Variants in SOX13 observed in about 807,000 individuals in gnomAD.
SOX13 encodes transcription factor SOX-13.
Under a neutral mutation model 71.8 loss-of-function variants are expected in SOX13, and 28 were observed. That is an observed-to-expected ratio of 0.39 (90% CI 0.29 to 0.53). The LOEUF is 0.53. Among genes scored for constraint, SOX13 ranks in the 20% least tolerant of loss-of-function variants. The probability of loss-of-function intolerance (pLI) is 0.70; values close to 1 mark genes in which losing one functional copy is unlikely to be tolerated. For missense variants in SOX13, 627 were observed against 810.3 expected, an observed-to-expected ratio of 0.77 and a Z score of 2.75; for synonymous variants, 309 against 317.8, an observed-to-expected ratio of 0.97 and a Z score of 0.29.
At position 204,093,806 on chromosome 1, in the gene SOX13, T is replaced by C. The variant is rs997958931; in HGVS notation, c.-1-19109T>C. Among the ~76,000 whole-genome samples, 5 of 152,306 alleles carry C rather than the reference T, an allele frequency of 3.3e-5. No homozygotes were observed. In the East Asian group the frequency reaches 9.6e-4, roughly 29 times the overall value. On this transcript the variant is annotated intron_variant, in intron 1 of 13. Coordinates refer to ENST00000367204, the MANE Select transcript of SOX13 (RefSeq NM_005686.3). ...GAAGAAAATCCACCTGTGAAGTGCT[T>C]AGCTTGTGATCACTCAGTAAATAGG...
rs1655713440 is a variant in SOX13, at chr1:204,073,573, C to T, written c.-140C>T. On this transcript the variant is annotated 5_prime_UTR_variant, in exon 1 of 14. Coordinates refer to ENST00000367204, the MANE Select transcript of SOX13 (RefSeq NM_005686.3). This position sits in a 1 kb window ranked among gnomAD's most constrained non-coding sequence, Gnocchi z 6.8. ...GGCGTGCCCCCTCCCAGCCCAGCCT[C>T]CCCAACCCGGCCCGCCCGCCGCGTC... 6.6e-6 allele frequency: 1 copy of T among 151,906 alleles called. No homozygotes were observed. Among genetic ancestry groups the T allele is most frequent in the Admixed American group, 6.5e-5 (1 of 15,274 alleles). 9.4% of individuals were successfully genotyped at this position (151,906 alleles called of 1,614,324 possible).
At chr1:204,111,349 A>G (rs1164105097) in intron 1 of SOX13, among the ~76,000 whole-genome samples, 1 of 152,200 alleles carries the variant, frequency 6.6e-6, no homozygotes, top group Non-Finnish European at 1.5e-5. Flanking sequence ...GCTAGTCAGT[A>G]GCTGAGGCAG....
intron 1 of SOX13, among the ~76,000 whole-genome samples, chr1:204,087,929 A>T (rs1361816558): frequency 6.6e-6 from 1 of 152,160 alleles, no homozygotes; most frequent in East Asian, 1.9e-4. Context: ...CCAGAGTCCC[A>T]CCTGGCTGTG....
chr1:204,113,263 C>T lies in SOX13; in HGVS notation c.219+129C>T, dbSNP rs372177251. The T allele has an allele frequency of 5.2e-5, 41 of 792,168 alleles. No homozygotes were observed. The East Asian group carries it at 6.5e-4, about 13-fold the overall frequency. 49.1% of individuals were successfully genotyped at this position (792,168 alleles called of 1,614,324 possible). ...AGAAGTGGTGATCCTAGGGGTAAGA[C>T]GCCATGTAGGGAAGCAGGGAGGCAC... On this transcript the variant is annotated intron_variant, in intron 2 of 13. Coordinates refer to ENST00000367204, the MANE Select transcript of SOX13 (RefSeq NM_005686.3).
At chr1:204,106,671 A>C (rs973897006) in intron 1 of SOX13, among the ~76,000 whole-genome samples, 7 of 151,918 alleles carry the variant, frequency 4.6e-5, no homozygotes, top group Non-Finnish European at 8.8e-5. Flanking sequence ...ACACCTGACT[A>C]ATTTTGTGTT....
intron 1 of SOX13, among the ~76,000 whole-genome samples, chr1:204,094,927 T>C (rs11240664): frequency 0.28 from 43,196 of 152,038 alleles, 7,173 homozygotes; most frequent in South Asian, 0.44. Flanking sequence ...ATCTGTGACC[T>C]CAAATGGATG....
intron 1 of SOX13, among the ~76,000 whole-genome samples, chr1:204,105,980 G>A (rs1656462577): frequency 6.6e-6 from 1 of 152,140 alleles, no homozygotes; most frequent in African/African-American, 2.4e-5. Context: ...TTGGGACAGT[G>A]GAGTTTGAGG....
intron 1 of SOX13, among the ~76,000 whole-genome samples, chr1:204,089,541 C>G (rs900181868): frequency 6.6e-6 from 1 of 152,158 alleles, no homozygotes; most frequent in Non-Finnish European, 1.5e-5. Context: ...TGTGAGGGGA[C>G]CCCGGAAGAG....
intron 7 of SOX13, 136 bp from the exon 8 acceptor site, chr1:204,121,764 G>T: frequency 2.8e-6 from 2 of 710,614 alleles, no homozygotes; most frequent in South Asian, 1.5e-5. Context: ...CTTTGGGGCT[G>T]GGGAGGGCAG....
chr1:204,089,149 A>C (rs1341500938), intron 1 of SOX13, among the ~76,000 whole-genome samples: 2 of 138,312 alleles, frequency 1.4e-5, no homozygotes, highest in Non-Finnish European at 3.1e-5. Context: ...CCAGCCAAGC[A>C]CATTCTGTTC....
intron 12 of SOX13, among the ~76,000 whole-genome samples, chr1:204,124,140 G>C (rs1656870489): frequency 6.6e-6 from 1 of 152,200 alleles, no homozygotes; most frequent in African/African-American, 2.4e-5. Context: ...TTCCTGGGCT[G>C]TCACTAGAAA....
intron 7 of SOX13, among the ~76,000 whole-genome samples, chr1:204,121,230 A>T (rs940010259): frequency 1.3e-5 from 2 of 151,940 alleles, no homozygotes; most frequent in Non-Finnish European, 2.9e-5. Flanking sequence ...CTTGTGATCC[A>T]CCCACCTTGT....
rs559302389 is a variant in SOX13, at chr1:204,121,929, C to T, written c.805C>T (p.Pro269Ser). 3 of 1,612,886 alleles carry T rather than the reference C, an allele frequency of 1.9e-6. No individual in the cohort carries two copies. Among genetic ancestry groups the T allele is most frequent in the African/African-American group, 1.3e-5 (1 of 75,002 alleles). Reference protein sequence around the residue: ...VEYPLQLLHSPPAPVVKRPGA... With the variant: ...VEYPLQLLHSSPAPVVKRPGA... Reference sequence around the variant, plus strand: ...GTATCCGCTGCAGCTGCTGCACAGCCCCCCTGCCCCAGTGGTGAAGAGGCC... The same window carrying T: ...GTATCCGCTGCAGCTGCTGCACAGCTCCCCTGCCCCAGTGGTGAAGAGGCC... Residue 269 changes from proline to serine, a missense_variant, in exon 8 of 14, where the codon CCC becomes TCC. By Grantham distance (74) the Pro-to-Ser change is moderately conservative (BLOSUM62 -1). Around this residue, in one of 3 missense-constraint regions of SOX13, gnomAD observed 447 missense variants for 532.2 expected, o/e 0.84. Transcript: ENST00000367204.
rs1385930254 is a variant in SOX13 at position 204,127,668 on chromosome 1, C to T, written c.*1534C>T. The T allele has an allele frequency of 3.3e-5, 5 of 152,600 alleles. No individual in the cohort carries two copies. Among genetic ancestry groups the T allele is most frequent in the African/African-American group, 1.2e-4 (5 of 41,436 alleles). The allele number at this position is 152,600 out of a possible 1,614,324, so 9.5% of individuals were successfully genotyped here. A position where few individuals can be genotyped will look rare whatever the true frequency, so the allele number is the denominator to read the frequency against. The stretch of plus-strand genomic sequence containing the variant: ...ATAAGATAATGATGAGTAACTTAAC[C>T]AGCACATTTCTCCTGTTTACACTCG... On this transcript the variant is annotated 3_prime_UTR_variant, in exon 14 of 14. Transcript: ENST00000367204.
At chr1:204,122,033 CGGCCGGCTGCCGTGTTA>C (rs766223773) in intron 8 of SOX13, 48 bp downstream of exon 8, 4 of 1,372,422 alleles carry the variant, frequency 2.9e-6, no homozygotes, top group Non-Finnish European at 4.1e-6. Flanking sequence ...GAGCTTATGA[CGGCCGGCTGCCGTGTTA>C]GGGAACTGCG....
Position 204,126,445 on chromosome 1 carries a change from G to A in SOX13, c.*311G>A, listed in dbSNP as rs3737658. On this transcript the variant is annotated 3_prime_UTR_variant, in exon 14 of 14. Transcript: ENST00000367204. The stretch of plus-strand genomic sequence containing the variant: ...CTCCTGCAGGTGTCTATCCACCTGG[G>A]GTATGGCATCTACCGACCTGTCTCC... The A allele has an allele frequency of 0.079, 30,798 of 390,070 alleles. 1,379 individuals are homozygous for A. The highest frequency in any genetic ancestry group is 0.098 in the Middle Eastern group (139 of 1,424). The allele number at this position is 390,070 out of a possible 1,614,324, so 24.2% of individuals were successfully genotyped here.
At chr1:204,116,723 A>G in intron 5 of SOX13, 44 bp downstream of exon 5, 4 of 1,606,284 alleles carry the variant, frequency 2.5e-6, no homozygotes, top group South Asian at 2.2e-5. Flanking sequence ...CAGGAAAAGG[A>G]GTGTGTCAGG....
chr1:204,110,565 A>T (rs1229040011), intron 1 of SOX13, among the ~76,000 whole-genome samples: 1 of 152,136 alleles, frequency 6.6e-6, no homozygotes, highest in Non-Finnish European at 1.5e-5. Context: ...AGTACAGATG[A>T]AATTTCTTTT....
intron 1 of SOX13, among the ~76,000 whole-genome samples, chr1:204,093,379 G>A (rs192522599): frequency 1.3e-5 from 2 of 152,324 alleles, no homozygotes; most frequent in Admixed American, 6.5e-5. Flanking sequence ...GCTGCTTTGA[G>A]GCATGAAGCC....
Sources: allele counts gnomAD v4.1 joint callset (sites outside exome capture counted in the v4.1 genomes callset), GRCh38; gene constraint gnomAD v4.1.1; regional missense constraint gnomAD v4.1.1; non-coding constraint Gnocchi (gnomAD v3.1); transcripts MANE v1.5; gene names NCBI Gene and HGNC (gene_info 2026-07-23, HGNC 2026-07-21).